NPAS3: variants seen among roughly 807,000 people sequenced by gnomAD.
NPAS3 encodes neuronal PAS domain-containing protein 3.
In NPAS3, 14 loss-of-function variants were observed where a neutral mutation model predicts 73.1. The ratio of observed to expected loss-of-function variants is 0.19; its 90% CI spans 0.13 to 0.30. NPAS3 has a LOEUF of 0.30. Among genes scored for constraint, NPAS3 ranks in the 10% least tolerant of loss-of-function variants. The pLI is 1.00. For synonymous variants in NPAS3, 620 were observed against 541.5 expected (o/e 1.14, Z -2.01); for missense variants, 1,096 against 1,250.0 (o/e 0.88, Z 1.86).
In NPAS3 at chr14:33,554,267, A is replaced by T. The variant is rs77784166; in HGVS notation, c.469-5854A>T. Among the ~76,000 whole-genome samples the T allele has an allele frequency of 2.4e-3, 369 of 152,332 alleles. 1 individual carries two copies. The highest frequency in any genetic ancestry group is 8.3e-3 in the African/African-American group (346 of 41,576). On this transcript the variant is annotated intron_variant, in intron 4 of 11. Coordinates refer to ENST00000356141, the Ensembl canonical transcript of NPAS3. ...AATGTCTGATATGCATAGTGCCCGA[A>T]TTCAGGCTCTGCCGTTGTCCTAACG...
intron 2 of NPAS3, among the ~76,000 whole-genome samples, chr14:33,082,300 A>T (rs1335148665): frequency 6.6e-6 from 1 of 152,338 alleles, no homozygotes; most frequent in African/African-American, 2.4e-5. Flanking sequence ...CGCAAGGCAC[A>T]CACGGCTGGA....
At chr14:33,046,794 G>A (rs539052304) in intron 1 of NPAS3, among the ~76,000 whole-genome samples, 69 of 152,236 alleles carry the variant, frequency 4.5e-4, no homozygotes, top group Non-Finnish European at 8.1e-4. Context: ...TGGCCAACAT[G>A]GTGAAACCCC....
At chr14:33,250,390 T>G (rs1312525895) in intron 3 of NPAS3, among the ~76,000 whole-genome samples, 1 of 152,032 alleles carries the variant, frequency 6.6e-6, no homozygotes, top group Non-Finnish European at 1.5e-5. Flanking sequence ...ACAGACAAGG[T>G]TTGGTTCCAA....
intron 2 of NPAS3, among the ~76,000 whole-genome samples, chr14:33,159,224 A>AT (rs2044760312): frequency 6.6e-6 from 1 of 152,096 alleles, no homozygotes; most frequent in African/African-American, 2.4e-5. Context: ...TCCCCATTTT[A>AT]TTTTTCATGT....
At chr14:33,682,714 G>T (rs2059973332) in intron 6 of NPAS3, among the ~76,000 whole-genome samples, 1 of 152,194 alleles carries the variant, frequency 6.6e-6, no homozygotes, top group Admixed American at 6.5e-5. Context: ...GGTATGCAAG[G>T]CCTAGGCATA....
intron 5 of NPAS3, among the ~76,000 whole-genome samples, chr14:33,665,784 G>C (rs2059435015): frequency 6.6e-6 from 1 of 152,016 alleles, no homozygotes; most frequent in Non-Finnish European, 1.5e-5. Context: ...GTGGTTAACA[G>C]AGCAAATCCT....
chr14:33,754,711 C>T (rs1005351789), intron 7 of NPAS3, among the ~76,000 whole-genome samples: 1 of 152,130 alleles, frequency 6.6e-6, no homozygotes, highest in Non-Finnish European at 1.5e-5. Flanking sequence ...AGAACAAATA[C>T]CACAAAATCT....
At chr14:33,699,113 G>A (rs753269356) in intron 6 of NPAS3, among the ~76,000 whole-genome samples, 9 of 152,174 alleles carry the variant, frequency 5.9e-5, no homozygotes, top group Non-Finnish European at 1.2e-4. Context: ...AGGAAGGCTT[G>A]TTCTCGCTGT....
intron 3 of NPAS3, among the ~76,000 whole-genome samples, chr14:33,227,210 T>C (rs964301977): frequency 1.3e-5 from 2 of 152,176 alleles, no homozygotes; most frequent in Non-Finnish European, 2.9e-5. Flanking sequence ...ATATCTTCTA[T>C]GGATACTGAG....
intron 2 of NPAS3, among the ~76,000 whole-genome samples, chr14:33,197,345 G>T (rs1373575214): frequency 6.6e-6 from 1 of 151,620 alleles, no homozygotes; most frequent in African/African-American, 2.4e-5. Flanking sequence ...CCTCACATAG[G>T]AATGTGTCTC....
intron 3 of NPAS3, among the ~76,000 whole-genome samples, chr14:33,245,235 A>G (rs1487388788): frequency 6.6e-6 from 1 of 152,224 alleles, no homozygotes; most frequent in Non-Finnish European, 1.5e-5. Context: ...TCTGTTAGAC[A>G]GTTGTGATGA....
At chr14:33,793,843 A>AT in intron 9 of NPAS3, 54 bp from the exon 10 acceptor site, 2 of 1,463,280 alleles carry the variant, frequency 1.4e-6, no homozygotes, top group South Asian at 1.3e-5. Context: ...AAAAAAAAAA[A>AT]GTTATTTGAT....
At chr14:33,102,926 G>GT (rs980758179) in intron 2 of NPAS3, among the ~76,000 whole-genome samples, 2 of 152,092 alleles carry the variant, frequency 1.3e-5, no homozygotes, top group African/African-American at 2.4e-5. Flanking sequence ...TAACACAAGG[G>GT]TTTTTTTGCA....
At chr14:33,235,707 T>A (rs1466860854) in intron 3 of NPAS3, among the ~76,000 whole-genome samples, 2 of 152,074 alleles carry the variant, frequency 1.3e-5, no homozygotes, top group Non-Finnish European at 2.9e-5. Flanking sequence ...CTCTGAAATC[T>A]GTATTTCTTA....
chr14:32,978,390 C>G (rs1415461182), intron 1 of NPAS3, among the ~76,000 whole-genome samples: 1 of 152,168 alleles, frequency 6.6e-6, no homozygotes, highest in Non-Finnish European at 1.5e-5. Context: ...CAGAGAGCAT[C>G]ATTTCACTTG....
intron 2 of NPAS3, among the ~76,000 whole-genome samples, chr14:33,177,071 T>TTATTATTATTATTA (rs2045614827): frequency 5.4e-4 from 75 of 138,316 alleles, no homozygotes; most frequent in East Asian, 2.5e-3. Context: ...TGTTTATCTT[T>TTATTATTATTATTA]TTATTATTAT....
intron 3 of NPAS3, among the ~76,000 whole-genome samples, chr14:33,312,032 T>C (rs765675750): frequency 4.6e-5 from 7 of 152,110 alleles, no homozygotes; most frequent in Non-Finnish European, 1.0e-4. Context: ...GAAAGGGAGC[T>C]TTCCTTAGAA....
At chr14:33,385,417 C>T (rs1000070335) in intron 4 of NPAS3, among the ~76,000 whole-genome samples, 2 of 152,272 alleles carry the variant, frequency 1.3e-5, no homozygotes, top group South Asian at 4.2e-4. Context: ...GTTTTAGACC[C>T]TGCACCCTAT....
chr14:33,474,627 A>T (rs1408087333), intron 4 of NPAS3, among the ~76,000 whole-genome samples: 2 of 152,156 alleles, frequency 1.3e-5, no homozygotes, highest in Non-Finnish European at 2.9e-5. Context: ...GTAGAGAGAG[A>T]GAGAATGAGA....
Sources: gnomAD v4.1 joint callset for allele counts (sites outside exome capture counted in the v4.1 genomes callset) on GRCh38, gnomAD v4.1.1 for gene constraint, MANE v1.5 for transcripts, NCBI Gene and HGNC (gene_info 2026-07-23, HGNC 2026-07-21) for gene names.